Variants in GNL3L observed in about 807,000 individuals in gnomAD.
GNL3L encodes G protein nucleolar 3 like, also known as guanine nucleotide-binding protein-like 3-like protein.
GNL3L carries 4 observed loss-of-function variants against 42.9 expected under a neutral mutation model. The ratio of observed to expected loss-of-function variants is 0.09; its 90% CI spans 0.05 to 0.21. GNL3L has a LOEUF of 0.21. Among genes scored for constraint, GNL3L ranks in the 10% least tolerant of loss-of-function variants. The pLI is 1.00. For missense variants in GNL3L, 412 were observed against 481.7 expected (o/e 0.86, Z 1.36); for synonymous variants, 159 against 176.3 (o/e 0.90, Z 0.78).
intron 16 of GNL3L, among the ~76,000 whole-genome samples, chrX:54,591,870 G>A (rs55961022): frequency 9.0e-6 from 1 of 111,156 alleles, no homozygotes; most frequent in Non-Finnish European, 1.9e-5. Flanking sequence ...TTGGTATTCT[G>A]ATAGAGATTG....
exon 17 of GNL3L, among the ~76,000 whole-genome samples, chrX:54,621,345 A>G (rs941113843): frequency 8.9e-6 from 1 of 111,952 alleles, no homozygotes; most frequent in African/African-American, 3.2e-5. Context: ...ACTCTGGTCA[A>G]CAGCTCAGTT....
the GNL3L span, among the ~76,000 whole-genome samples, chrX:54,638,557 G>T: frequency 9.0e-6 from 1 of 111,524 alleles, no homozygotes; most frequent in African/African-American, 3.3e-5. Flanking sequence ...TGCAACCTCC[G>T]CCTCCCGGGT....
intron 16 of GNL3L, among the ~76,000 whole-genome samples, chrX:54,577,304 G>A (rs1243322980): frequency 8.9e-6 from 1 of 111,995 alleles, no homozygotes; most frequent in Non-Finnish European, 1.9e-5. Flanking sequence ...CTTTTGAAGT[G>A]TAATTGACAA....
At chrX:54,610,297 CAG>C (rs1569542660) in intron 16 of GNL3L, among the ~76,000 whole-genome samples, 1 of 111,270 alleles carries the variant, frequency 9.0e-6, no homozygotes, top group Non-Finnish European at 1.9e-5. Flanking sequence ...CGTCAGCAAA[CAG>C]TGACAGTTTG....
At chrX:54,619,913 G>T (rs999559323) in intron 16 of GNL3L, among the ~76,000 whole-genome samples, 3 of 111,414 alleles carry the variant, frequency 2.7e-5, no homozygotes, top group African/African-American at 6.5e-5. Flanking sequence ...AAACATTAAG[G>T]CCCCAGGTTT....
chrX:54,577,940 G>T (rs183079302), intron 16 of GNL3L, among the ~76,000 whole-genome samples: 143 of 110,424 alleles, frequency 1.3e-3, no homozygotes, highest in Non-Finnish European at 2.3e-3. Context: ...ACAGGGTTTT[G>T]CCATGTTGCC....
chrX:54,592,644 T>C (rs61308390), intron 16 of GNL3L, among the ~76,000 whole-genome samples: 14,838 of 109,827 alleles, frequency 0.14, 1,603 homozygotes, highest in African/African-American at 0.36. Flanking sequence ...GGCAAAACCC[T>C]GTCTCTACAA....
chrX:54,585,326 A>C (rs755959385), intron 16 of GNL3L, among the ~76,000 whole-genome samples: 1 of 110,425 alleles, frequency 9.1e-6, no homozygotes, highest in Non-Finnish European at 1.9e-5. Flanking sequence ...GAAGATTTTG[A>C]GAAAGATTGG....
At chrX:54,592,990 G>C (rs1462043428) in intron 16 of GNL3L, among the ~76,000 whole-genome samples, 1 of 111,245 alleles carries the variant, frequency 9.0e-6, no homozygotes, top group Non-Finnish European at 1.9e-5. Flanking sequence ...CATGATGAAT[G>C]ATCTTTTTAA....
intron 14 of GNL3L, among the ~76,000 whole-genome samples, chrX:54,555,809 T>C (rs917377479): frequency 1.8e-5 from 2 of 108,654 alleles, no homozygotes; most frequent in Admixed American, 1.0e-4. Context: ...TGGCCCAGTC[T>C]GACCATGTCA....
intron 16 of GNL3L, among the ~76,000 whole-genome samples, chrX:54,607,895 T>C (rs964443122): frequency 3.4e-4 from 38 of 111,976 alleles, no homozygotes; most frequent in African/African-American, 1.2e-3. Flanking sequence ...AAAATTGTGG[T>C]TTATTTAGAC....
At chrX:54,618,768 A>G (rs1926252726) in intron 16 of GNL3L, among the ~76,000 whole-genome samples, 1 of 111,373 alleles carries the variant, frequency 9.0e-6, no homozygotes, top group Non-Finnish European at 1.9e-5. Context: ...ATGGTGACAT[A>G]CACCTATCAT....
chrX:54,638,433 C>CGATA, the GNL3L span, among the ~76,000 whole-genome samples: 1 of 111,799 alleles, frequency 8.9e-6, no homozygotes, highest in African/African-American at 3.3e-5. Context: ...TCATCACCTT[C>CGATA]GATATCTTTC....
In GNL3L at chrX:54,566,361, A is replaced by G. The variant is rs1296975252; in HGVS notation, c.*5759A>G. ...GTTGATAGACATTTAGGTCGATTCC[A>G]TGTCTTTGGTATTGTGAATAGTGCT... On this transcript the variant is annotated 3_prime_UTR_variant, in exon 16 of 16. Coordinates refer to ENST00000360845, the MANE Select transcript of GNL3L (RefSeq NM_001184819.2). Among the ~76,000 whole-genome samples the G allele has an allele frequency of 7.2e-5, 8 of 111,400 alleles. No homozygotes were observed. The highest frequency in any genetic ancestry group is 2.3e-4 in the African/African-American group (7 of 30,560).
intron 16 of GNL3L, among the ~76,000 whole-genome samples, chrX:54,599,769 C>G (rs1925980752): frequency 9.0e-6 from 1 of 110,528 alleles, no homozygotes; most frequent in African/African-American, 3.3e-5. Context: ...CTCTCTGTTT[C>G]TCTGATTGGA....
chrX:54,559,048 C>G (rs1925184515), intron 15 of GNL3L, among the ~76,000 whole-genome samples: 1 of 112,098 alleles, frequency 8.9e-6, no homozygotes, highest in Non-Finnish European at 1.9e-5. Context: ...CTAGGAGGCT[C>G]AACTACTAGC....
At chrX:54,558,853 C>T (rs185732301) in intron 15 of GNL3L, among the ~76,000 whole-genome samples, 198 bp downstream of exon 15, 1,230 of 112,073 alleles carry the variant, frequency 0.011, 14 homozygotes, top group African/African-American at 0.039. Flanking sequence ...GACGATGTTT[C>T]GCCATGTTGG....
chrX:54,541,300 G>A lies in GNL3L; in HGVS notation c.217G>A (p.Ala73Thr), dbSNP rs769334911. ...TGAGGAGATGAGGGAGAAGCAGCAA[G>A]CCGCCCGGGAGCAAGAAAGACAAAA... Reference protein sequence around the residue: ...WVEEMREKQQAAREQERQKRR... With the variant: ...WVEEMREKQQTAREQERQKRR... Residue 73 changes from alanine to threonine, a missense_variant, in exon 5 of 16, where the codon GCC becomes ACC. By Grantham distance (58) the Ala-to-Thr change is moderately conservative. Coordinates refer to ENST00000360845, the MANE Select transcript of GNL3L (RefSeq NM_001184819.2). 11 of 1,209,041 alleles carry A rather than the reference G, an allele frequency of 9.1e-6. No individual in the cohort carries two copies. Among genetic ancestry groups the A allele is most frequent in the South Asian group, 8.8e-5 (5 of 56,888 alleles).
At position 54,531,750 on chromosome X, in the gene GNL3L, C is replaced by T. The variant is rs141359922; in HGVS notation, c.-47-770C>T. On this transcript the variant is annotated intron_variant, in intron 1 of 15. Transcript: ENST00000360845. ...CTCCAGGGTGAAGAGACGCAGGACC[C>T]ATCCCCACAATCTAGAGATAAACAG... Among the ~76,000 whole-genome samples the T allele has an allele frequency of 4.5e-3, 501 of 111,318 alleles. 1 individual carries two copies. Among genetic ancestry groups the T allele is most frequent in the Middle Eastern group, 0.028 (6 of 218 alleles).
Sources: gnomAD v4.1 joint callset for allele counts (sites outside exome capture counted in the v4.1 genomes callset) on GRCh38, gnomAD v4.1.1 for gene constraint, MANE v1.5 for transcripts, NCBI Gene and HGNC (gene_info 2026-07-23, HGNC 2026-07-21) for gene names.